Variants in CAMKMT observed in about 807,000 individuals in gnomAD.
CAMKMT encodes the protein CaM KMT.
In CAMKMT, 53 loss-of-function variants were observed where a neutral mutation model predicts 48.0. The ratio of observed to expected loss-of-function variants is 1.10; its 90% CI spans 0.89 to 1.39. The LOEUF (loss-of-function observed/expected upper bound fraction) is 1.39, where lower values mean the gene tolerates loss of function less well. Among genes scored for constraint, CAMKMT ranks in the 40% most tolerant of loss-of-function variants. The pLI is 0.00. For missense variants in CAMKMT, 428 were observed against 402.7 expected, an observed-to-expected ratio of 1.06 and a Z score of -0.54; for synonymous variants, 165 against 152.3, an observed-to-expected ratio of 1.08 and a Z score of -0.61.
intron 3 of CAMKMT, among the ~76,000 whole-genome samples, chr2:44,524,705 C>G (rs1211359443): frequency 2.6e-5 from 4 of 152,148 alleles, no homozygotes; most frequent in Non-Finnish European, 5.9e-5. Flanking sequence ...TAGCCTTTAT[C>G]TCATTCTGTT....
chr2:44,556,945 A>G (rs1041598989), intron 3 of CAMKMT, among the ~76,000 whole-genome samples: 26 of 152,182 alleles, frequency 1.7e-4, no homozygotes, highest in African/African-American at 5.3e-4. Context: ...ACAAGTGAGG[A>G]TGATGTAAGT....
chr2:44,645,480 A>G (rs948437116), intron 3 of CAMKMT, among the ~76,000 whole-genome samples: 14 of 152,250 alleles, frequency 9.2e-5, no homozygotes, highest in African/African-American at 3.4e-4. Context: ...GCAGGATGAA[A>G]AGTAGTATCA....
intron 3 of CAMKMT, among the ~76,000 whole-genome samples, chr2:44,486,393 G>A (rs552469488): frequency 6.6e-6 from 1 of 152,142 alleles, no homozygotes; most frequent in South Asian, 2.1e-4. Flanking sequence ...TGTTTTGTTT[G>A]TTGTTTGTTT....
At chr2:44,710,144 A>C (rs893194149) in intron 6 of CAMKMT, among the ~76,000 whole-genome samples, 4 of 150,566 alleles carry the variant, frequency 2.7e-5, no homozygotes, top group African/African-American at 9.8e-5. Flanking sequence ...TTTCCTTTTA[A>C]TTTTATATTA....
intron 3 of CAMKMT, among the ~76,000 whole-genome samples, chr2:44,486,393 G>GTTGT (rs747765055): frequency 3.3e-5 from 5 of 152,260 alleles, no homozygotes; most frequent in Admixed American, 1.3e-4. Context: ...TGTTTTGTTT[G>GTTGT]TTGTTTGTTT....
chr2:44,415,123 C>G (rs1473875476), intron 3 of CAMKMT, among the ~76,000 whole-genome samples: 1 of 152,134 alleles, frequency 6.6e-6, no homozygotes, highest in Non-Finnish European at 1.5e-5. Flanking sequence ...TGCACTCCAG[C>G]CTGGTGATAG....
At chr2:44,398,713 C>T (rs150157525) in intron 3 of CAMKMT, among the ~76,000 whole-genome samples, 2 of 145,962 alleles carry the variant, frequency 1.4e-5, no homozygotes, top group Admixed American at 6.9e-5. Context: ...ACGTAAATCA[C>T]CCAAAGAGCT....
intron 3 of CAMKMT, among the ~76,000 whole-genome samples, chr2:44,444,266 C>T (rs529727323): frequency 3.2e-4 from 48 of 152,108 alleles, no homozygotes; most frequent in African/African-American, 1.1e-3. Flanking sequence ...TTTTTTGAGG[C>T]GACAGAAATG....
At chr2:44,613,214 C>T (rs1250280788) in intron 3 of CAMKMT, among the ~76,000 whole-genome samples, 1 of 152,196 alleles carries the variant, frequency 6.6e-6, no homozygotes, top group Non-Finnish European at 1.5e-5. Context: ...TGCCTGTCTA[C>T]TATATGCAGC....
chr2:44,655,531 T>A (rs183194410), intron 3 of CAMKMT, among the ~76,000 whole-genome samples: 2 of 152,314 alleles, frequency 1.3e-5, no homozygotes, highest in African/African-American at 4.8e-5. Flanking sequence ...GTCTTTTTAA[T>A]TAAGTGAAAG....
At chr2:44,372,436 G>C (rs1336209063) in intron 1 of CAMKMT, among the ~76,000 whole-genome samples, 1 of 150,168 alleles carries the variant, frequency 6.7e-6, no homozygotes, top group African/African-American at 2.5e-5. Flanking sequence ...GGGTGACAGT[G>C]AGGCTGCGTG....
chr2:44,572,645 C>A (rs1480119368), intron 3 of CAMKMT, among the ~76,000 whole-genome samples: 1 of 151,972 alleles, frequency 6.6e-6, no homozygotes, highest in East Asian at 1.9e-4. Flanking sequence ...TGGGGTCTAT[C>A]TCTGGAAGTG....
intron 7 of CAMKMT, among the ~76,000 whole-genome samples, chr2:44,724,710 A>G (rs1192379835): frequency 6.6e-6 from 1 of 152,170 alleles, no homozygotes; most frequent in Non-Finnish European, 1.5e-5. Flanking sequence ...GTATCATCTT[A>G]GTGAAGATGT....
intron 3 of CAMKMT, among the ~76,000 whole-genome samples, chr2:44,541,256 A>G (rs989833221): frequency 1.3e-5 from 2 of 152,154 alleles, no homozygotes; most frequent in African/African-American, 2.4e-5. Flanking sequence ...ATTTTTATTG[A>G]GATTGCATTG....
chr2:44,552,697 A>T (rs1204312883), intron 3 of CAMKMT, among the ~76,000 whole-genome samples: 1 of 152,212 alleles, frequency 6.6e-6, no homozygotes, highest in Admixed American at 6.5e-5. Context: ...ACATATGAGG[A>T]AACTGAGATA....
chr2:44,462,906 G>A (rs1412355153), intron 3 of CAMKMT, among the ~76,000 whole-genome samples: 1 of 152,098 alleles, frequency 6.6e-6, no homozygotes, highest in Non-Finnish European at 1.5e-5. Context: ...TTTGCTGATT[G>A]CATCCCCATA....
At chr2:44,561,119 T>C (rs1337106730) in intron 3 of CAMKMT, among the ~76,000 whole-genome samples, 5 of 152,194 alleles carry the variant, frequency 3.3e-5, no homozygotes, top group Non-Finnish European at 5.9e-5. Context: ...TTATAATCTT[T>C]ATCATTTTTT....
intron 3 of CAMKMT, among the ~76,000 whole-genome samples, chr2:44,520,150 C>T (rs914256455): frequency 3.9e-5 from 6 of 152,054 alleles, no homozygotes; most frequent in South Asian, 2.1e-4. Flanking sequence ...ACCTGGGAGG[C>T]GGAGCTTGCA....
chr2:44,565,176 T>C (rs10188963), intron 3 of CAMKMT, among the ~76,000 whole-genome samples: 88,494 of 152,094 alleles, frequency 0.58, 26,505 homozygotes, highest in Middle Eastern at 0.67. Context: ...TTCACTTAAC[T>C]ATGGCAAGGG....
Sources: allele counts gnomAD v4.1 joint callset (sites outside exome capture counted in the v4.1 genomes callset), GRCh38; gene constraint gnomAD v4.1.1; transcripts MANE v1.5; gene names NCBI Gene and HGNC (gene_info 2026-07-23, HGNC 2026-07-21).